The following TPRN variants were observed in gnomAD, a reference collection of about 807,000 sequenced individuals.
TPRN encodes the protein chromosome 9 open reading frame 75.
TPRN carries 32 observed loss-of-function variants against 42.6 expected under a neutral mutation model. The ratio of observed to expected loss-of-function variants is 0.75; its 90% confidence interval spans 0.57 to 1.01. The LOEUF (loss-of-function observed/expected upper bound fraction) is 1.01. TPRN is among the 50% of genes least tolerant of loss of function. The pLI, the probability that TPRN is intolerant of heterozygous loss-of-function variation, is 0.00. For synonymous variants in TPRN, 541 were observed against 445.6 expected, an observed-to-expected ratio of 1.21 and a Z score of -2.70; for missense variants, 1,095 against 957.5, an observed-to-expected ratio of 1.14 and a Z score of -1.90.
chr9:137,200,316 G>A lies in TPRN; in HGVS notation c.396C>T (p.Arg132=), dbSNP rs1232284931. 6 of 1,003,236 alleles carry A rather than the reference G, an allele frequency of 6.0e-6. No homozygotes were observed. The Admixed American group carries it at 3.0e-4, about 51-fold the overall frequency. The allele number at this position is 1,003,236 out of a possible 1,614,324, so 62.1% of individuals were successfully genotyped here. A position where few individuals can be genotyped will look rare whatever the true frequency, so the allele number is the denominator to read the frequency against. The change falls in exon 1 of 4, where the codon CGC becomes CGT. Residue 132 remains arginine (R), a synonymous_variant. Coordinates refer to ENST00000409012, the MANE Select transcript of TPRN (RefSeq NM_001128228.3). This position sits in a 1 kb window ranked among gnomAD's most constrained non-coding sequence, Gnocchi z 4.3. The part of the protein sequence containing the change: ...EVLVYGAPPG[R]VSRLLERFDP... ...CGAACCTCTCCAGTAGGCGGCTGACGCGGCCGGGCGGCGCCCCGTACACCA... is the reference window on the plus strand; with the variant it reads ...CGAACCTCTCCAGTAGGCGGCTGACACGGCCGGGCGGCGCCCCGTACACCA...
Position 137,191,950 on chromosome 9 carries a change from C to G in TPRN, c.*162G>C. 1.2e-6 allele frequency: 1 copy of G among 862,582 alleles called. No homozygotes were observed. The highest frequency in any genetic ancestry group is 1.8e-6 in the Non-Finnish European group (1 of 541,060). The allele number at this position is 862,582 out of a possible 1,614,324, so 53.4% of individuals were successfully genotyped here. A position where few individuals can be genotyped will look rare whatever the true frequency, so the allele number is the denominator to read the frequency against. ...GCCGGGGAGTGAGACCCAGACCTGG[C>G]CCCGATGGCAGGAGGCACCCTAGCT... On this transcript the variant is annotated 3_prime_UTR_variant, in exon 4 of 4. Transcript: ENST00000409012.
At position 137,192,552 on chromosome 9, in the gene TPRN, CCCTCTTCCT is replaced by C. The variant is rs1564383244; in HGVS notation, c.1856_1864del (p.Glu619_Glu621del). The C allele has an allele frequency of 2.5e-6, 4 of 1,610,168 alleles. No individual in the cohort carries two copies. Among genetic ancestry groups the C allele is most frequent in the Non-Finnish European group, 8.5e-7 (1 of 1,178,398 alleles). ...AAAGGGCTTCTCCTCTGAGCCGGATCCCTCTTCCTCCTCTTCCTCTTCCTCCTCCTCCTC... is the reference window on the plus strand; with the variant it reads ...AAAGGGCTTCTCCTCTGAGCCGGATCCCTCTTCCTCTTCCTCCTCCTCCTC... On this transcript the variant is annotated inframe_deletion, in exon 2 of 4. Coordinates refer to ENST00000409012, the MANE Select transcript of TPRN (RefSeq NM_001128228.3).
Position 137,192,252 on chromosome 9 carries a change from A to C in TPRN, c.2073+7T>G. The C allele has an allele frequency of 6.2e-7, 1 of 1,613,124 alleles. No individual in the cohort carries two copies. The highest frequency in any genetic ancestry group is 8.5e-7 in the Non-Finnish European group (1 of 1,179,996). On this transcript the variant is annotated splice_region_variant and intron_variant, in intron 3 of 3. Coordinates refer to ENST00000409012, the MANE Select transcript of TPRN (RefSeq NM_001128228.3). Reference sequence around the variant, plus strand: ...TCCCCCCAGCGCTCCACTCCCCCGCATCTCACCATGGCCTCCACGGGCGGG... The same window carrying C: ...TCCCCCCAGCGCTCCACTCCCCCGCCTCTCACCATGGCCTCCACGGGCGGG...
chr9:137,199,567 C>A lies in TPRN; in HGVS notation c.1145G>T (p.Gly382Val). The change falls in exon 1 of 4, where the codon GGG (glycine) becomes GTG (valine). Residue 382 changes from glycine to valine, a missense_variant. Transcript: ENST00000409012. ...VPGGDGAPALGKSPLEVEAQW... is the reference protein window; with the variant it reads ...VPGGDGAPALVKSPLEVEAQW... ...TGCCTCGACCTCCAGGGGGCTCTTCCCGAGGGCAGGCGCACCATCCCCTCC... is the reference window on the plus strand; with the variant it reads ...TGCCTCGACCTCCAGGGGGCTCTTCACGAGGGCAGGCGCACCATCCCCTCC... 1 of 1,557,702 alleles carries A rather than the reference C, an allele frequency of 6.4e-7. No individual in the cohort carries two copies. The highest frequency in any genetic ancestry group is 8.7e-7 in the Non-Finnish European group (1 of 1,151,250).
chr9:137,192,681 G>A lies in TPRN; in HGVS notation c.1736C>T (p.Ser579Phe). 2 of 1,613,772 alleles carry A rather than the reference G, an allele frequency of 1.2e-6. No individual in the cohort carries two copies. The highest frequency in any genetic ancestry group is 8.5e-7 in the Non-Finnish European group (1 of 1,179,968). The change falls in exon 2 of 4, where the codon TCC (serine) becomes TTC (phenylalanine). Residue 579 changes from serine to phenylalanine, a missense_variant. Physicochemically the swap from Ser to Phe is radical, Grantham distance 155. Transcript: ENST00000409012. ...AGSSRKKMKISFNDKSLQTTF... is the reference protein window; with the variant it reads ...AGSSRKKMKIFFNDKSLQTTF... ...GGTCTGCAGGCTTTTGTCGTTGAAG[G>A]AGATCTTCATCTGGGAGTGAGAGTC...
intron 1 of TPRN, among the ~76,000 whole-genome samples, chr9:137,197,494 G>C (rs142848353): frequency 4.6e-5 from 7 of 152,310 alleles, no homozygotes; most frequent in African/African-American, 1.4e-4. Flanking sequence ...TGGCCACACA[G>C]GTTAAGGGGA....
At chr9:137,192,392 G>A (rs369042052) in intron 2 of TPRN, 27 bp from the exon 3 acceptor site, 34 of 1,612,662 alleles carry the variant, frequency 2.1e-5, no homozygotes, top group South Asian at 1.2e-4. Flanking sequence ...ACATGCAGAC[G>A]TGGACACAGA....
rs754757066 is a variant in TPRN, at chr9:137,199,868, T to C, written c.844A>G (p.Ser282Gly). 28 of 1,545,126 alleles carry C rather than the reference T, an allele frequency of 1.8e-5. No individual in the cohort carries two copies. The Admixed American group carries it at 3.2e-4, about 17-fold the overall frequency. ...PASPPASATP[S>G]QRQCVSAATS... ...GCTGCGGAGACGCACTGGCGCTGGC[T>C]AGGAGTGGCACTGGCAGGGGGTGAG... Residue 282 changes from serine (S) to glycine (G), a missense_variant, in exon 1 of 4, where the codon AGC becomes GGC. Coordinates refer to ENST00000409012, the MANE Select transcript of TPRN (RefSeq NM_001128228.3).
rs1834761598 is a variant in TPRN at position 137,199,483 on chromosome 9, G to A, written c.1229C>T (p.Ala410Val). Reference protein sequence around the residue: ...PRTATALADRAIRWQRPSSPP... With the variant: ...PRTATALADRVIRWQRPSSPP... ...TGAGGACGGCCTCTGCCACCTAATA[G>A]CCCGGTCAGCGAGGGCGGTGGCTGT... is the stretch of plus-strand genomic sequence containing the variant. Residue 410 changes from alanine to valine, a missense_variant, in exon 1 of 4, where the codon GCT (alanine) becomes GTT (valine). Transcript: ENST00000409012. 5.0e-6 allele frequency: 8 copies of A among 1,592,192 alleles called. No homozygotes were observed. Among genetic ancestry groups the A allele is most frequent in the Non-Finnish European group, 6.8e-6 (8 of 1,170,146 alleles).
At chr9:137,195,462 T>C (rs1208133704) in intron 1 of TPRN, among the ~76,000 whole-genome samples, 1 of 152,164 alleles carries the variant, frequency 6.6e-6, no homozygotes, top group Non-Finnish European at 1.5e-5. Context: ...AGTGAGAGCC[T>C]CTGGCCACCC....
At position 137,199,903 on chromosome 9, in the gene TPRN, G is replaced by C; in HGVS notation, c.809C>G (p.Ala270Gly). Residue 270 changes from alanine (A) to glycine (G), a missense_variant, in exon 1 of 4, where the codon GCC (alanine) becomes GGC (glycine). Ala to Gly is a moderately conservative substitution (Grantham distance 60). Transcript: ENST00000409012. ...HPPPSPGTPS[A>G]TPASPPASAT... is the part of the protein sequence containing the mutation. Reference sequence around the variant, plus strand: ...ACTGGCAGGGGGTGAGGCTGGAGTGGCACTCGGGGTCCCGGGGCTGGGGGG... The same window carrying C: ...ACTGGCAGGGGGTGAGGCTGGAGTGCCACTCGGGGTCCCGGGGCTGGGGGG... 1 of 1,102,446 alleles carries C rather than the reference G, an allele frequency of 9.1e-7. No homozygotes were observed. Among genetic ancestry groups the C allele is most frequent in the Non-Finnish European group, 1.2e-6 (1 of 828,422 alleles). The allele number at this position is 1,102,446 out of a possible 1,614,324, so 68.3% of individuals were successfully genotyped here. A position where few individuals can be genotyped will look rare whatever the true frequency, so the allele number is the denominator to read the frequency against.
rs73671306 is a variant in TPRN, at chr9:137,193,668, C to T, written c.1726-977G>A. ...CCCAGTGGTCCCTAATGAATATGAG[C>T]GGCCCCCGCTTGCAGCAGATGGAAG... On this transcript the variant is annotated intron_variant, in intron 1 of 3. Transcript: ENST00000409012. 4.5e-3 allele frequency: 692 copies of T among 152,490 alleles called. 2 individuals carry two copies. Among genetic ancestry groups the T allele is most frequent in the African/African-American group, 0.016 (658 of 41,568 alleles). 9.4% of individuals were successfully genotyped at this position (152,490 alleles called of 1,614,324 possible).
rs577530316 is a variant in TPRN at position 137,197,168 on chromosome 9, G to A, written c.1725+1819C>T. 2.1e-4 allele frequency among the ~76,000 whole-genome samples: 32 copies of A among 152,256 alleles called. No homozygotes were observed. The South Asian group carries it at 6.0e-3, about 29-fold the overall frequency. ...GGCTGGAGTGCAATGGCGCGATCTCGGCTCACTGCAAGCTCCGCCTCCCGG... is the reference window on the plus strand; with the variant it reads ...GGCTGGAGTGCAATGGCGCGATCTCAGCTCACTGCAAGCTCCGCCTCCCGG... On this transcript the variant is annotated intron_variant, in intron 1 of 3. Coordinates refer to ENST00000409012, the MANE Select transcript of TPRN (RefSeq NM_001128228.3).
chr9:137,196,381 G>A (rs1362030914), intron 1 of TPRN, among the ~76,000 whole-genome samples: 2 of 152,206 alleles, frequency 1.3e-5, no homozygotes, highest in Admixed American at 1.3e-4. Flanking sequence ...GAGGTCAGGA[G>A]TTCGAGACCA....
Position 137,192,656 on chromosome 9 carries a change from G to C in TPRN, c.1761C>G (p.Thr587=). The C allele has an allele frequency of 6.2e-7, 1 of 1,613,844 alleles. No homozygotes were observed. The highest frequency in any genetic ancestry group is 8.5e-7 in the Non-Finnish European group (1 of 1,179,976). Residue 587 remains threonine, a synonymous_variant, in exon 2 of 4, where the codon ACC becomes ACG. Transcript: ENST00000409012. The stretch of plus-strand genomic sequence containing the variant: ...AGCTCTCGGAAGGGTACTCAAATGT[G>C]GTCTGCAGGCTTTTGTCGTTGAAGG... ...KISFNDKSLQ[T]TFEYPSESSL...
rs955018102 is a variant in TPRN at position 137,200,538 on chromosome 9, C to G, written c.174G>C (p.Glu58Asp). 6.9e-6 allele frequency: 8 copies of G among 1,167,828 alleles called. No homozygotes were observed. In the African/African-American group the frequency reaches 1.3e-4, roughly 19 times the overall value. 72.3% of individuals were successfully genotyped at this position (1,167,828 alleles called of 1,614,324 possible). A position where few individuals can be genotyped will look rare whatever the true frequency, so the allele number is the denominator to read the frequency against. Residue 58 changes from glutamate to aspartate, a missense_variant, in exon 1 of 4, where the codon GAG becomes GAC. Glu to Asp is a conservative substitution (Grantham distance 45). Transcript: ENST00000409012. The surrounding 1 kb of genome is among the most constrained non-coding windows in gnomAD (Gnocchi z 4.3). ...VLAESLGPLR[E>D]NPFMLLEAER... Reference sequence around the variant, plus strand: ...CGGCCTCCAGCAGCATGAACGGGTTCTCGCGCAGCGGGCCCAGGCTCTCGG... The same window carrying G: ...CGGCCTCCAGCAGCATGAACGGGTTGTCGCGCAGCGGGCCCAGGCTCTCGG...
rs1834748023 is a variant in TPRN, at chr9:137,199,002, G to A, written c.1710C>T (p.Gly570=). ...CACCACTGACCTTCTTTCTTGAGGA[G>A]CCAGCCTTGGTGAGGCAGGACTTCT... The part of the protein sequence containing the change: ...ALQKSCLTKA[G]SSRKKMKISF... Residue 570 remains glycine (G), a synonymous_variant, in exon 1 of 4, where the codon GGC becomes GGT. Coordinates refer to ENST00000409012, the MANE Select transcript of TPRN (RefSeq NM_001128228.3). The A allele has an allele frequency of 1.2e-6, 2 of 1,612,886 alleles. No individual in the cohort carries two copies. The highest frequency in any genetic ancestry group is 1.7e-6 in the Non-Finnish European group (2 of 1,179,998).
rs531568623 is a variant in TPRN, at chr9:137,199,696, G to A, written c.1016C>T (p.Ala339Val). 1.1e-5 allele frequency: 18 copies of A among 1,609,374 alleles called. No homozygotes were observed. The East Asian group carries it at 1.3e-4, about 12-fold the overall frequency. ...CCCCTCAGGAGGAGGAGCCCCGGAG[G>A]CCTTGCTCTTGGGGATGACCATGAA... ...NSFMVIPKSK[A>V]SGAPPPEGRQ... The change falls in exon 1 of 4, where the codon GCC becomes GTC. Residue 339 changes from alanine (A) to valine (V), a missense_variant. Transcript: ENST00000409012.
chr9:137,200,417 T>C lies in TPRN; in HGVS notation c.295A>G (p.Ile99Val). 4 of 1,121,484 alleles carry C rather than the reference T, an allele frequency of 3.6e-6. No homozygotes were observed. The highest frequency in any genetic ancestry group is 4.4e-6 in the Non-Finnish European group (4 of 914,004). 69.5% of individuals were successfully genotyped at this position (1,121,484 alleles called of 1,614,324 possible). The stretch of plus-strand genomic sequence containing the variant: ...GGGAAGCCGGGCACCGTCTCGATGA[T>C]GAGGACGCTGTCGGCGCGGAGGGCG... ...VRALRADSVL[I>V]IETVPGFPPA... Residue 99 changes from isoleucine to valine, a missense_variant, in exon 1 of 4, where the codon ATC (isoleucine) becomes GTC (valine). Ile to Val is a conservative substitution (Grantham distance 29). Coordinates refer to ENST00000409012, the MANE Select transcript of TPRN (RefSeq NM_001128228.3). This position sits in a 1 kb window ranked among gnomAD's most constrained non-coding sequence, Gnocchi z 4.3.
Sources: allele counts gnomAD v4.1 joint callset (sites outside exome capture counted in the v4.1 genomes callset), GRCh38; gene constraint gnomAD v4.1.1; non-coding constraint Gnocchi (gnomAD v3.1); transcripts MANE v1.5; gene names NCBI Gene and HGNC (gene_info 2026-07-23, HGNC 2026-07-21).